Variants in RUNX2 observed in about 807,000 individuals in gnomAD.
RUNX2 encodes runt-related transcription factor 2.
RUNX2 carries 10 observed loss-of-function variants against 51.7 expected under a neutral mutation model. The observed-to-expected ratio is 0.19, with a 90% CI of 0.12 to 0.33. The LOEUF (loss-of-function observed/expected upper bound fraction) is 0.33, where lower values mean the gene tolerates loss of function less well. RUNX2 is among the 10% of genes least tolerant of loss of function. The probability of loss-of-function intolerance (pLI) is 1.00; values close to 1 mark genes in which losing one functional copy is unlikely to be tolerated. For missense variants in RUNX2, 562 were observed against 691.3 expected, an observed-to-expected ratio of 0.81 and a Z score of 2.10; for synonymous variants, 276 against 273.6, an observed-to-expected ratio of 1.01 and a Z score of -0.09.
At chr6:45,418,418 GA>G in intron 2 of RUNX2, among the ~76,000 whole-genome samples, 1 of 151,986 alleles carries the variant, frequency 6.6e-6, no homozygotes, top group Non-Finnish European at 1.5e-5. Flanking sequence ...CACATTTTCA[GA>G]AAAAAAGTGT....
At chr6:45,371,980 C>T (rs993076413) in intron 2 of RUNX2, 7 of 854,674 alleles carry the variant, frequency 8.2e-6, no homozygotes, top group Non-Finnish European at 8.4e-6. Context: ...TGAGGTCCCC[C>T]GACACCTGGT....
At chr6:45,439,406 G>T (rs1798779508) in intron 5 of RUNX2, among the ~76,000 whole-genome samples, 1 of 152,152 alleles carries the variant, frequency 6.6e-6, no homozygotes, top group African/African-American at 2.4e-5. Context: ...ACAGAGCTTT[G>T]CCTGGTTTGG....
At chr6:45,407,902 G>A (rs1257379618) in intron 2 of RUNX2, among the ~76,000 whole-genome samples, 1 of 151,984 alleles carries the variant, frequency 6.6e-6, no homozygotes, top group Non-Finnish European at 1.5e-5. Flanking sequence ...AATTGAAATT[G>A]CAAGTAAGTA....
chr6:45,465,608 A>G (rs927955978), intron 5 of RUNX2, among the ~76,000 whole-genome samples: 14 of 151,048 alleles, frequency 9.3e-5, no homozygotes, highest in Non-Finnish European at 1.8e-4. Context: ...GATGAAAACT[A>G]CTTAATTTTT....
chr6:45,538,361 ACC>A (rs1196082183), intron 7 of RUNX2, among the ~76,000 whole-genome samples: 1 of 150,650 alleles, frequency 6.6e-6, no homozygotes, highest in Non-Finnish European at 1.5e-5. Context: ...GCCACCTCCC[ACC>A]CCCTCATTTG....
At chr6:45,488,194 C>T (rs1311765955) in intron 5 of RUNX2, among the ~76,000 whole-genome samples, 1 of 152,020 alleles carries the variant, frequency 6.6e-6, no homozygotes, top group African/African-American at 2.4e-5. Context: ...AAAGAAATGG[C>T]AGGACTCGGT....
At chr6:45,439,625 C>T (rs748579030) in intron 5 of RUNX2, among the ~76,000 whole-genome samples, 2 of 152,060 alleles carry the variant, frequency 1.3e-5, no homozygotes, top group Non-Finnish European at 2.9e-5. Flanking sequence ...ATCTCAGCTG[C>T]TTTTCTCAGT....
intron 2 of RUNX2, among the ~76,000 whole-genome samples, chr6:45,329,273 AC>A (rs1347841327): frequency 6.6e-6 from 1 of 152,018 alleles, no homozygotes; most frequent in African/African-American, 2.4e-5. Context: ...AACCTGTAGT[AC>A]AGTTAACATT....
intron 2 of RUNX2, among the ~76,000 whole-genome samples, chr6:45,396,237 T>C (rs1322232959): frequency 6.6e-6 from 1 of 152,188 alleles, no homozygotes; most frequent in Non-Finnish European, 1.5e-5. Context: ...TATAATAATA[T>C]TTTATAATTT....
chr6:45,541,387 G>A (rs180947602), intron 7 of RUNX2, among the ~76,000 whole-genome samples: 1 of 152,268 alleles, frequency 6.6e-6, no homozygotes, highest in African/African-American at 2.4e-5. Context: ...TAATAGAGCT[G>A]TTGGGAAGGG....
rs770723869 is a variant in RUNX2 at position 45,422,749 on chromosome 6, AGGCGGCGGCGGCGGCTGCGGC to A, written c.228_248del (p.Ala83_Ala89del). On this transcript the variant is annotated inframe_deletion, in exon 3 of 9. Transcript: ENST00000647337. ...CAGCAACAGCAGCAGCAGCAGCAGG[AGGCGGCGGCGGCGGCTGCGGC>A]GGCGGCGGCGGCTGCGGCGGCGGCA... is the stretch of plus-strand genomic sequence containing the variant. 99 of 1,531,164 alleles carry A rather than the reference AGGCGGCGGCGGCGGCTGCGGC, an allele frequency of 6.5e-5. 8 individuals carry two copies. In the Middle Eastern group the frequency reaches 7.1e-4, roughly 11 times the overall value. 94.8% of individuals were successfully genotyped at this position (1,531,164 alleles called of 1,614,324 possible).
At chr6:45,340,561 C>T (rs1307130338) in intron 2 of RUNX2, among the ~76,000 whole-genome samples, 2 of 151,904 alleles carry the variant, frequency 1.3e-5, no homozygotes, top group African/African-American at 4.8e-5. Context: ...TGGGCTCAAG[C>T]GATCCTCCCA....
chr6:45,467,865 A>G (rs1799682384), intron 5 of RUNX2, among the ~76,000 whole-genome samples: 1 of 152,214 alleles, frequency 6.6e-6, no homozygotes, highest in East Asian at 1.9e-4. Flanking sequence ...TCTCTGTAAA[A>G]ACTAACCTTT....
intron 2 of RUNX2, among the ~76,000 whole-genome samples, chr6:45,342,148 C>T (rs1193652888): frequency 6.6e-6 from 1 of 151,832 alleles, no homozygotes; most frequent in Non-Finnish European, 1.5e-5. Context: ...GTTGATGGTG[C>T]CAATGATCAT....
At chr6:45,508,071 G>A (rs1465680905) in intron 6 of RUNX2, among the ~76,000 whole-genome samples, 3 of 152,044 alleles carry the variant, frequency 2.0e-5, no homozygotes, top group African/African-American at 7.2e-5. Context: ...AGCTTGGATT[G>A]GTAATCACTC....
intron 7 of RUNX2, among the ~76,000 whole-genome samples, chr6:45,542,509 T>A (rs1194710732): frequency 1.3e-5 from 2 of 152,138 alleles, no homozygotes; most frequent in Non-Finnish European, 2.9e-5. Flanking sequence ...AGCCAGCAGG[T>A]CCTAAGGGGA....
intron 7 of RUNX2, among the ~76,000 whole-genome samples, chr6:45,528,636 G>T (rs1317153494): frequency 6.6e-6 from 1 of 151,942 alleles, no homozygotes; most frequent in Non-Finnish European, 1.5e-5. Flanking sequence ...AAAAAAAGAT[G>T]CACTTCAATG....
chr6:45,501,866 C>A (rs573442162), intron 6 of RUNX2, among the ~76,000 whole-genome samples: 1 of 152,216 alleles, frequency 6.6e-6, no homozygotes, highest in South Asian at 2.1e-4. Context: ...AACAGTGGCT[C>A]CAAAACAACT....
intron 2 of RUNX2, among the ~76,000 whole-genome samples, chr6:45,383,353 C>A (rs914486317): frequency 1.3e-5 from 2 of 152,106 alleles, no homozygotes; most frequent in Non-Finnish European, 2.9e-5. Context: ...AGGAGAATCG[C>A]TTGGACCCAG....
Sources: allele counts gnomAD v4.1 joint callset (sites outside exome capture counted in the v4.1 genomes callset), GRCh38; gene constraint gnomAD v4.1.1; transcripts MANE v1.5; gene names NCBI Gene and HGNC (gene_info 2026-07-23, HGNC 2026-07-21).